Variants in ASH1L observed in about 807,000 individuals in gnomAD.
ASH1L encodes histone-lysine N-methyltransferase ASH1L.
ASH1L carries 23 observed loss-of-function variants against 269.0 expected under a neutral mutation model. The observed-to-expected ratio is 0.09, with a 90% CI of 0.06 to 0.12. The LOEUF (loss-of-function observed/expected upper bound fraction) is 0.12, where lower values mean the gene tolerates loss of function less well. ASH1L is among the 10% of genes least tolerant of loss of function. The pLI is 1.00. For synonymous variants in ASH1L, 1,187 were observed against 1,253.5 expected, an observed-to-expected ratio of 0.95 and a Z score of 1.12; for missense variants, 2,912 against 3,567.8, an observed-to-expected ratio of 0.82 and a Z score of 4.68.
Position 155,465,834 on chromosome 1 carries a change from G to C in ASH1L, c.4985-5936C>G, listed in dbSNP as rs183079897. On this transcript the variant is annotated intron_variant, in intron 3 of 27. Transcript: ENST00000392403. Reference sequence around the variant, plus strand: ...AGAACTTCTGGTCAAGATTTTTTTTGTTCCCAGATTCAAGTTCTGAATCCT... The same window carrying C: ...AGAACTTCTGGTCAAGATTTTTTTTCTTCCCAGATTCAAGTTCTGAATCCT... Among the ~76,000 whole-genome samples, 1,123 of 151,984 alleles carry C rather than the reference G, an allele frequency of 7.4e-3. 14 individuals carry two copies. Among genetic ancestry groups the C allele is most frequent in the Non-Finnish European group, 8.1e-3 (553 of 67,934 alleles).
chr1:155,558,851 CTTTTTTT>C (rs1227615811), intron 1 of ASH1L, among the ~76,000 whole-genome samples: 1 of 136,148 alleles, frequency 7.3e-6, no homozygotes, highest in African/African-American at 2.7e-5. Context: ...TTTTTCTTTT[CTTTTTTT>C]TTTTTTTTTG....
intron 12 of ASH1L, among the ~76,000 whole-genome samples, chr1:155,369,463 CTA>C (rs1047345283): frequency 1.3e-5 from 2 of 151,694 alleles, no homozygotes; most frequent in African/African-American, 4.8e-5. Context: ...AAAAAAAAGT[CTA>C]TGTATTTCTC....
rs1194330158 is a variant in ASH1L, at chr1:155,479,558, T to C, written c.3312A>G (p.Pro1104=). The change falls in exon 3 of 28, where the codon CCA becomes CCG. Residue 1104 remains proline, a synonymous_variant. Transcript: ENST00000392403. ...PSSASSSEIL[P]SPICSQSSGT... is the part of the protein sequence containing the mutation. ...CAGAAGACTGAGAGCAAATAGGTGA[T>C]GGAAGAATCTCAGAACTACTAGCAG... 2.5e-6 allele frequency: 4 copies of C among 1,614,056 alleles called. No individual in the cohort carries two copies. In the Admixed American group the frequency reaches 5.0e-5, roughly 20 times the overall value.
chr1:155,431,070 G>A (rs891950964), intron 5 of ASH1L, among the ~76,000 whole-genome samples: 10 of 151,872 alleles, frequency 6.6e-5, no homozygotes, highest in Admixed American at 6.6e-4. Context: ...AAATTAGCCG[G>A]GCATGGTGGC....
chr1:155,445,865 T>C (rs1197057274), intron 4 of ASH1L, among the ~76,000 whole-genome samples: 1 of 151,648 alleles, frequency 6.6e-6, no homozygotes, highest in Non-Finnish European at 1.5e-5. Flanking sequence ...ATAGATTGTG[T>C]GTGTGTGTGT....
chr1:155,405,300 T>G (rs1181840886), intron 6 of ASH1L, among the ~76,000 whole-genome samples: 3 of 151,692 alleles, frequency 2.0e-5, no homozygotes, highest in Admixed American at 2.0e-4. Context: ...CTGGCCAACA[T>G]GGTGAAACCC....
At chr1:155,356,113 T>C (rs530975139) in intron 15 of ASH1L, among the ~76,000 whole-genome samples, 2 of 151,918 alleles carry the variant, frequency 1.3e-5, no homozygotes, top group South Asian at 4.2e-4. Context: ...AATTTTGTAT[T>C]TTTAGTAGAG....
chr1:155,348,561 CTGTGA>C (rs1011031814), intron 19 of ASH1L, among the ~76,000 whole-genome samples: 10 of 152,094 alleles, frequency 6.6e-5, no homozygotes, highest in Admixed American at 5.3e-4. Flanking sequence ...TAATCTATCA[CTGTGA>C]TACTCCTCAA....
chr1:155,497,398 T>C (rs1451708641), intron 2 of ASH1L, among the ~76,000 whole-genome samples: 3 of 152,190 alleles, frequency 2.0e-5, no homozygotes, highest in Non-Finnish European at 2.9e-5. Flanking sequence ...TGCTACCCCT[T>C]AGACAGCAAG....
At chr1:155,387,379 C>T (rs1657524256) in intron 7 of ASH1L, among the ~76,000 whole-genome samples, 1 of 152,198 alleles carries the variant, frequency 6.6e-6, no homozygotes, top group South Asian at 2.1e-4. Flanking sequence ...GCACCATTTA[C>T]TGAATAGGGA....
chr1:155,415,679 T>C (rs1660155060), intron 6 of ASH1L, 65 bp downstream of exon 6: 4 of 1,513,632 alleles, frequency 2.6e-6, no homozygotes, highest in Middle Eastern at 2.1e-4. Flanking sequence ...TGTTTTTTGA[T>C]AGTCAAAGTA....
intron 2 of ASH1L, among the ~76,000 whole-genome samples, chr1:155,488,021 G>C (rs1000539246): frequency 6.6e-6 from 1 of 151,918 alleles, no homozygotes. Flanking sequence ...TGAGTAGCTG[G>C]GATTACAGGA....
intron 1 of ASH1L, among the ~76,000 whole-genome samples, chr1:155,543,170 T>C (rs1427682586): frequency 1.9e-4 from 29 of 152,000 alleles, no homozygotes. Flanking sequence ...AAAAACAAAA[T>C]ATGGATTAGT....
intron 1 of ASH1L, among the ~76,000 whole-genome samples, chr1:155,532,823 A>C (rs968318727): frequency 7.9e-5 from 11 of 139,440 alleles, no homozygotes; most frequent in African/African-American, 3.0e-4. Context: ...ACTCTGTCTC[A>C]AAAAAAAAAA....
Position 155,459,826 on chromosome 1 carries a change from C to T in ASH1L, c.5057G>A (p.Arg1686Lys). The T allele has an allele frequency of 6.2e-7, 1 of 1,613,370 alleles. No individual in the cohort carries two copies. ...TGAAGAAGTACTCTCAGATGAAGACCTTTTCCGGGTAGGGCTACAATTTGT... is the reference window on the plus strand; with the variant it reads ...TGAAGAAGTACTCTCAGATGAAGACTTTTTCCGGGTAGGGCTACAATTTGT... ...ESTNCSPTRK[R>K]SSSESTSSTV... The change falls in exon 4 of 28, where the codon AGG becomes AAG. Residue 1686 changes from arginine (R) to lysine (K), a missense_variant. Transcript: ENST00000392403.
Position 155,521,214 on chromosome 1 carries a change from G to A in ASH1L, c.306C>T (p.Asn102=), listed in dbSNP as rs1216776768. 6.2e-7 allele frequency: 1 copy of A among 1,614,040 alleles called. No individual in the cohort carries two copies. The highest frequency in any genetic ancestry group is 8.5e-7 in the Non-Finnish European group (1 of 1,179,958). ...QAKRTKKPPK[N]LENYVCRPAI... ...CAGGTCGACATACATAGTTCTCCAA[G>A]TTCTTTGGAGGTTTTTTAGTTCTCT... Residue 102 remains asparagine (N), a synonymous_variant, in exon 2 of 28, where the codon AAC becomes AAT. Coordinates refer to ENST00000392403, the MANE Select transcript of ASH1L (RefSeq NM_018489.3).
chr1:155,455,167 A>T (rs1013017268), intron 4 of ASH1L, among the ~76,000 whole-genome samples: 4 of 152,194 alleles, frequency 2.6e-5, no homozygotes, highest in Non-Finnish European at 2.9e-5. Flanking sequence ...ACAAATATTT[A>T]AAAAAAGACC....
At chr1:155,545,829 T>C (rs2148898786) in intron 1 of ASH1L, among the ~76,000 whole-genome samples, 1 of 152,130 alleles carries the variant, frequency 6.6e-6, no homozygotes, top group Admixed American at 6.6e-5. Flanking sequence ...GAGACCAGCC[T>C]GGCCAACGTA....
intron 5 of ASH1L, among the ~76,000 whole-genome samples, chr1:155,422,361 T>G (rs187913011): frequency 6.9e-6 from 1 of 144,906 alleles, no homozygotes; most frequent in African/African-American, 2.6e-5. Context: ...CAGGCTGGAG[T>G]GCAATGGCAT....
Sources: allele counts gnomAD v4.1 joint callset (sites outside exome capture counted in the v4.1 genomes callset), GRCh38; gene constraint gnomAD v4.1.1; transcripts MANE v1.5; gene names NCBI Gene and HGNC (gene_info 2026-07-23, HGNC 2026-07-21).